The following TRRAP variants were observed in gnomAD, a reference collection of about 807,000 sequenced individuals.
TRRAP encodes transformation/transcription domain-associated protein.
Under a neutral mutation model 438.8 loss-of-function variants are expected in TRRAP, and 41 were observed. The observed-to-expected ratio is 0.09, with a 90% CI of 0.07 to 0.12. The LOEUF (loss-of-function observed/expected upper bound fraction) is 0.12. Ranked by LOEUF, TRRAP falls within the 10% of genes least tolerant of loss-of-function variation. The pLI is 1.00. For missense variants in TRRAP, 3,122 were observed against 5,055.1 expected, an observed-to-expected ratio of 0.62 and a Z score of 11.60; for synonymous variants, 1,994 against 1,962.9, an observed-to-expected ratio of 1.02 and a Z score of -0.42.
chr7:98,969,588 C>T (rs1437272016), intron 51 of TRRAP, among the ~76,000 whole-genome samples: 1 of 152,230 alleles, frequency 6.6e-6, no homozygotes, highest in Non-Finnish European at 1.5e-5. Context: ...GCAAGAGTGT[C>T]GTGGCCAGGC....
intron 18 of TRRAP, among the ~76,000 whole-genome samples, chr7:98,913,568 G>C (rs2283014): frequency 0.7 from 106,402 of 152,020 alleles, 41,741 homozygotes; most frequent in South Asian, 0.88. Context: ...GATTACAGGT[G>C]TGAGCCACTG....
intron 12 of TRRAP, 40 bp from the exon 13 acceptor site, chr7:98,906,137 G>A: frequency 6.3e-7 from 1 of 1,586,272 alleles, no homozygotes; most frequent in South Asian, 1.1e-5. Context: ...TGTGTAATTG[G>A]TTTTGTTAGT....
intron 70 of TRRAP, among the ~76,000 whole-genome samples, chr7:99,009,153 C>T (rs1468868529): frequency 1.3e-5 from 2 of 152,012 alleles, no homozygotes; most frequent in Non-Finnish European, 2.9e-5. Flanking sequence ...TTCACCTGCA[C>T]GTTTTTGCCC....
chr7:98,893,745 G>A (rs1554405290), intron 5 of TRRAP, 53 bp from the exon 6 acceptor site: 5 of 1,506,586 alleles, frequency 3.3e-6, no homozygotes, highest in Non-Finnish European at 3.7e-6. Context: ...GAGAAAATTA[G>A]CCTTTAAAGT....
Position 98,956,256 on chromosome 7 carries a change from G to A in TRRAP, c.6048G>A (p.Leu2016=), listed in dbSNP as rs1791600975. 2 of 1,614,212 alleles carry A rather than the reference G, an allele frequency of 1.2e-6. No homozygotes were observed. ...TIEQRRLAVD[L]SEVVIKWELQ... is the part of the protein sequence containing the mutation. ...AGCAGAGGCGGCTGGCCGTGGACCT[G>A]TCTGAAGTCGTCATCAAGTGGGAGC... The change falls in exon 42 of 73, where the codon CTG becomes CTA. Residue 2016 remains leucine (L), a synonymous_variant. Transcript: ENST00000456197. The surrounding 1 kb of genome is among the most constrained non-coding windows in gnomAD (Gnocchi z 4.5).
chr7:98,970,906 C>G (rs924271835), intron 52 of TRRAP, among the ~76,000 whole-genome samples: 1 of 152,172 alleles, frequency 6.6e-6, no homozygotes, highest in East Asian at 1.9e-4. Context: ...AAGGTTGATG[C>G]CTTAGGCTTG....
chr7:98,965,571 A>T, intron 48 of TRRAP, 125 bp from the exon 49 acceptor site: 1 of 1,255,114 alleles, frequency 8.0e-7, no homozygotes, highest in Non-Finnish European at 1.1e-6. Context: ...CCAGAGCTCT[A>T]GTTGCAGGAA....
rs779795162 is a variant in TRRAP, at chr7:98,993,698, C to T, written c.10008C>T (p.Val3336=). ...PTLLSSLEGI[V]DQMVWFRENW... ...TTCTGTCTTCCCTGGAAGGCATCGT[C>T]GATCAGATGGTCTGGTTCAGAGAAA... The change falls in exon 66 of 73, where the codon GTC becomes GTT. Residue 3336 remains valine, a synonymous_variant. Transcript: ENST00000456197. The T allele has an allele frequency of 6.8e-6, 11 of 1,614,208 alleles. No homozygotes were observed. Among genetic ancestry groups the T allele is most frequent in the Non-Finnish European group, 7.6e-6 (9 of 1,180,036 alleles).
intron 52 of TRRAP, 46 bp from the exon 53 acceptor site, chr7:98,971,753 T>A (rs1056493118): frequency 6.3e-7 from 1 of 1,584,748 alleles, no homozygotes; most frequent in African/African-American, 1.4e-5. Context: ...TTGGGTTTTC[T>A]TGAAGCCTTT....
At chr7:98,890,288 AATAC>A (rs782394766) in intron 3 of TRRAP, 43 bp from the exon 4 acceptor site, 2 of 1,251,090 alleles carry the variant, frequency 1.6e-6, no homozygotes, top group Non-Finnish European at 2.1e-6. Context: ...TTGAAATGAA[AATAC>A]ATACACATAA....
rs219838 is a variant in TRRAP at position 99,005,367 on chromosome 7, G to C, written c.10753+19G>C. On this transcript the variant is annotated intron_variant, in intron 69 of 72. Coordinates refer to ENST00000456197, the MANE Select transcript of TRRAP (RefSeq NM_001375524.1). The surrounding 1 kb of genome is among the most constrained non-coding windows in gnomAD (Gnocchi z 5.1). ...TTCACAGGTAGGGTTGAGAGCCACA[G>C]CTCGCTGGGTACACAGGCAGCTTCA... 0.16 allele frequency: 258,082 copies of C among 1,612,174 alleles called. 33,262 individuals are homozygous for C. Among genetic ancestry groups the C allele is most frequent in the African/African-American group, 0.7 (52,190 of 74,860 alleles).
In TRRAP at chr7:99,011,294, A is replaced by G; in HGVS notation, c.11142+39A>G. ...AACAGCCAGATCCTCTCCTCGTGAC[A>G]TCGCCTTTCTGCTGAAGTTCCTAAA... On this transcript the variant is annotated intron_variant, in intron 71 of 72. Transcript: ENST00000456197. The surrounding 1 kb of genome is among the most constrained non-coding windows in gnomAD (Gnocchi z 7.1). 2 of 1,612,850 alleles carry G rather than the reference A, an allele frequency of 1.2e-6. No individual in the cohort carries two copies. Among genetic ancestry groups the G allele is most frequent in the Non-Finnish European group, 1.7e-6 (2 of 1,178,808 alleles).
At chr7:98,977,676 C>T (rs907187708) in intron 56 of TRRAP, among the ~76,000 whole-genome samples, 3 of 152,202 alleles carry the variant, frequency 2.0e-5, no homozygotes, top group Non-Finnish European at 2.9e-5. Context: ...GTTTTACTCC[C>T]TGTGTCTGCC....
At chr7:98,880,270 T>TTTTTG (rs782063967) in intron 1 of TRRAP, among the ~76,000 whole-genome samples, 33 of 149,378 alleles carry the variant, frequency 2.2e-4, no homozygotes, top group South Asian at 6.4e-4. Context: ...TTGTTTTTTT[T>TTTTTG]TTTTTTTTTC....
chr7:98,881,059 A>G, intron 1 of TRRAP, 31 bp from the exon 2 acceptor site: 1 of 1,054,268 alleles, frequency 9.5e-7, no homozygotes, highest in Non-Finnish European at 1.4e-6. Context: ...TGCCCTCCAT[A>G]AATTGACTAA....
chr7:98,969,384 C>T (rs1041847700), intron 51 of TRRAP, among the ~76,000 whole-genome samples: 1 of 152,220 alleles, frequency 6.6e-6, no homozygotes, highest in Non-Finnish European at 1.5e-5. Flanking sequence ...GGCTAATGTG[C>T]AGCTCCTTTT....
chr7:98,965,405 T>A (rs946905326), intron 48 of TRRAP, among the ~76,000 whole-genome samples: 1 of 152,088 alleles, frequency 6.6e-6, no homozygotes, highest in Admixed American at 6.6e-5. Context: ...GGCTTCTGGG[T>A]GCACCTCAGA....
At chr7:98,940,424 A>G (rs1790748627) in intron 30 of TRRAP, among the ~76,000 whole-genome samples, 1 of 152,094 alleles carries the variant, frequency 6.6e-6, no homozygotes, top group Non-Finnish European at 1.5e-5. Context: ...TCCTGACCTC[A>G]TGTGAACCAC....
At chr7:98,892,355 T>C (rs1796015044) in intron 4 of TRRAP, 69 bp from the exon 5 acceptor site, 2 of 1,278,820 alleles carry the variant, frequency 1.6e-6, no homozygotes, top group South Asian at 1.2e-5. Flanking sequence ...ACTTGCAGAG[T>C]GTGAGATAAT....
Sources: gnomAD v4.1 joint callset for allele counts (sites outside exome capture counted in the v4.1 genomes callset) on GRCh38, gnomAD v4.1.1 for gene constraint, Gnocchi (gnomAD v3.1) non-coding constraint, MANE v1.5 for transcripts, NCBI Gene and HGNC (gene_info 2026-07-23, HGNC 2026-07-21) for gene names.